The following SNX24 variants were observed in gnomAD, a reference collection of about 807,000 sequenced individuals.
The protein encoded by SNX24 is sorting nexin 24.
Under a neutral mutation model 28.7 loss-of-function variants are expected in SNX24, and 22 were observed. The ratio of observed to expected loss-of-function variants is 0.77; its 90% CI spans 0.55 to 1.10. SNX24 has a LOEUF of 1.10. Among genes scored for constraint, SNX24 ranks in the 50% least tolerant of loss-of-function variants. The pLI is 0.00. For missense variants in SNX24, 221 were observed against 201.1 expected (o/e 1.10, Z -0.60); for synonymous variants, 69 against 71.5 (o/e 0.96, Z 0.18).
chr5:122,878,152 G>A (rs1210572430), intron 1 of SNX24, among the ~76,000 whole-genome samples: 9 of 152,056 alleles, frequency 5.9e-5, no homozygotes, highest in Non-Finnish European at 1.5e-5. Context: ...TTTGGGACCC[G>A]GGGTGGGAAA....
chr5:122,999,026 G>A (rs1008648400), intron 3 of SNX24, among the ~76,000 whole-genome samples: 2 of 150,296 alleles, frequency 1.3e-5, no homozygotes, highest in African/African-American at 4.9e-5. Flanking sequence ...AACCTTTGAT[G>A]CTTTTCTCCT....
chr5:122,910,502 T>A (rs958307617), intron 1 of SNX24, among the ~76,000 whole-genome samples: 1 of 151,974 alleles, frequency 6.6e-6, no homozygotes, highest in Admixed American at 6.6e-5. Context: ...AGTTTTAGGG[T>A]ACATGTGCAC....
chr5:122,994,353 G>A (rs184412864), intron 3 of SNX24, among the ~76,000 whole-genome samples: 130 of 152,234 alleles, frequency 8.5e-4, no homozygotes, highest in Non-Finnish European at 1.5e-3. Flanking sequence ...CTCCCTTGTC[G>A]GACGGCGTTA....
chr5:122,929,583 T>C (rs1758858160), intron 1 of SNX24, among the ~76,000 whole-genome samples: 1 of 152,222 alleles, frequency 6.6e-6, no homozygotes, highest in South Asian at 2.1e-4. Flanking sequence ...TTGGTCCGCT[T>C]TGTATTTGCA....
At chr5:123,011,198 G>T (rs1762570943), downstream of SNX24, among the ~76,000 whole-genome samples, 1 of 151,404 alleles carries the variant, frequency 6.6e-6, no homozygotes, top group Admixed American at 6.6e-5. Context: ...GGAAACCAGA[G>T]GAAGGAAAAG....
intron 3 of SNX24, chr5:122,965,475 T>A (rs751536106): frequency 2.4e-5 from 11 of 455,302 alleles, no homozygotes; most frequent in Non-Finnish European, 4.4e-5. Flanking sequence ...GAAAAATAAT[T>A]TCTTCTGTTG....
At chr5:122,888,878 A>T (rs1756829299) in intron 1 of SNX24, among the ~76,000 whole-genome samples, 1 of 152,076 alleles carries the variant, frequency 6.6e-6, no homozygotes, top group Admixed American at 6.6e-5. Flanking sequence ...TTGAGACAGA[A>T]TCTCACTCTG....
chr5:122,956,373 C>T lies in SNX24; in HGVS notation c.249+10214C>T, dbSNP rs1275800714. ...TTGGGAAAAAAAAAATATATACACA[C>T]ACACACACACACACACACACACACA... On this transcript the variant is annotated intron_variant, in intron 3 of 6. Coordinates refer to ENST00000261369, the MANE Select transcript of SNX24 (RefSeq NM_014035.4). 0.014 allele frequency among the ~76,000 whole-genome samples: 138 copies of T among 10,098 alleles called. 3 individuals carry two copies. The African/African-American group carries it at 0.17, about 13-fold the overall frequency. The allele number at this position is 10,098 out of a possible 152,430, so 6.6% of individuals were successfully genotyped here.
intron 1 of SNX24, among the ~76,000 whole-genome samples, chr5:122,866,008 T>C (rs555943642): frequency 6.6e-6 from 1 of 152,166 alleles, no homozygotes; most frequent in Non-Finnish European, 1.5e-5. Flanking sequence ...TGCTACATGA[T>C]AAGGGGTTAA....
intron 1 of SNX24, among the ~76,000 whole-genome samples, chr5:122,877,471 G>A (rs1345012463): frequency 2.6e-5 from 4 of 152,084 alleles, no homozygotes; most frequent in Admixed American, 6.5e-5. Flanking sequence ...CAGTGGCATG[G>A]GATGGACATG....
At chr5:122,975,175 T>C (rs567176280) in intron 3 of SNX24, among the ~76,000 whole-genome samples, 1 of 152,322 alleles carries the variant, frequency 6.6e-6, no homozygotes, top group East Asian at 1.9e-4. Flanking sequence ...ATAGCTCTTA[T>C]GGTATTGGTC....
downstream of SNX24, among the ~76,000 whole-genome samples, chr5:123,013,004 ATTAT>A (rs1455350944): frequency 6.6e-6 from 1 of 152,196 alleles, no homozygotes; most frequent in Non-Finnish European, 1.5e-5. Context: ...GCCATCTTGA[ATTAT>A]TTATTGACTT....
At chr5:122,898,721 C>G (rs578033986) in intron 1 of SNX24, among the ~76,000 whole-genome samples, 1 of 152,224 alleles carries the variant, frequency 6.6e-6, no homozygotes, top group South Asian at 2.1e-4. Context: ...TGGGTAGATG[C>G]TTCTGTTGAT....
intron 5 of SNX24, chr5:123,023,850 A>G (rs2150187910): frequency 3.2e-6 from 5 of 1,577,220 alleles, no homozygotes; most frequent in Non-Finnish European, 4.3e-6. Context: ...CTGCCAAAGC[A>G]TATCCTTGTT....
At chr5:122,847,918 C>T (rs1754716177) in intron 1 of SNX24, among the ~76,000 whole-genome samples, 1 of 152,052 alleles carries the variant, frequency 6.6e-6, no homozygotes. Context: ...CAAATATTTA[C>T]TGAGTGCCTG....
chr5:122,934,363 A>T (rs935117384), intron 1 of SNX24, among the ~76,000 whole-genome samples: 2 of 151,896 alleles, frequency 1.3e-5, no homozygotes, highest in Non-Finnish European at 2.9e-5. Flanking sequence ...GATTTATTAA[A>T]TTTTTCTTTT....
chr5:122,964,225 C>T (rs1257036953), intron 3 of SNX24, among the ~76,000 whole-genome samples: 2 of 88,206 alleles, frequency 2.3e-5, no homozygotes, highest in Non-Finnish European at 4.0e-5. Flanking sequence ...CCAGCCTGGG[C>T]GACAAGAACA....
At chr5:123,014,254 C>T (rs1762641849) in intron 5 of SNX24, among the ~76,000 whole-genome samples, 1 of 151,750 alleles carries the variant, frequency 6.6e-6, no homozygotes, top group Non-Finnish European at 1.5e-5. Flanking sequence ...GCAGTCTCCA[C>T]CTCCTGGAAA....
intron 5 of SNX24, chr5:123,022,831 C>T (rs1817395): frequency 0.63 from 95,692 of 152,034 alleles, 31,455 homozygotes; most frequent in Non-Finnish European, 0.7. Context: ...GTTGTCGTTG[C>T]TGTTTGAGAC....
Sources: allele counts gnomAD v4.1 joint callset (sites outside exome capture counted in the v4.1 genomes callset), GRCh38; gene constraint gnomAD v4.1.1; transcripts MANE v1.5; gene names NCBI Gene and HGNC (gene_info 2026-07-23, HGNC 2026-07-21).